The following PRKD1 variants were observed in gnomAD, a reference collection of about 807,000 sequenced individuals.
PRKD1 encodes the protein serine/threonine-protein kinase D1.
In PRKD1, 63 loss-of-function variants were observed where a neutral mutation model predicts 95.9. The ratio of observed to expected loss-of-function variants is 0.66; its 90% CI spans 0.54 to 0.81. The LOEUF is 0.81. Ranked by LOEUF, PRKD1 falls within the 30% of genes least tolerant of loss-of-function variation. The pLI is 0.00. For synonymous variants in PRKD1, 425 were observed against 423.1 expected (o/e 1.00, Z -0.05); for missense variants, 1,048 against 1,165.3 (o/e 0.90, Z 1.47).
chr14:29,682,165 A>C (rs1373824793), intron 2 of PRKD1, among the ~76,000 whole-genome samples: 2 of 152,186 alleles, frequency 1.3e-5, no homozygotes, highest in Non-Finnish European at 2.9e-5. Flanking sequence ...TTAGGTATGC[A>C]GTTTGTTTCC....
intron 1 of PRKD1, among the ~76,000 whole-genome samples, chr14:29,807,851 A>G (rs1183222410): frequency 6.6e-6 from 1 of 151,492 alleles, no homozygotes; most frequent in Non-Finnish European, 1.5e-5. Context: ...CCTCCCGAGT[A>G]GCTGGGATTA....
chr14:29,862,142 T>C (rs185678867), intron 1 of PRKD1, among the ~76,000 whole-genome samples: 3 of 152,348 alleles, frequency 2.0e-5, no homozygotes, highest in Non-Finnish European at 4.4e-5. Flanking sequence ...TTTATCTTTC[T>C]GTGCCTGTTT....
chr14:29,915,893 A>T (rs1894872475), intron 1 of PRKD1, among the ~76,000 whole-genome samples: 1 of 152,200 alleles, frequency 6.6e-6, no homozygotes, highest in African/African-American at 2.4e-5. Flanking sequence ...GTGTGTCTTG[A>T]GGTAAATAAT....
At chr14:29,760,898 G>A (rs1392106024) in intron 1 of PRKD1, among the ~76,000 whole-genome samples, 1 of 151,956 alleles carries the variant, frequency 6.6e-6, no homozygotes, top group Non-Finnish European at 1.5e-5. Context: ...ATCATCTTAG[G>A]CATATCTTTG....
intron 15 of PRKD1, among the ~76,000 whole-genome samples, chr14:29,598,824 C>T (rs1314116557): frequency 6.6e-6 from 1 of 152,194 alleles, no homozygotes; most frequent in Non-Finnish European, 1.5e-5. Context: ...TGAGAAGGCA[C>T]TTTTGTGTAT....
chr14:29,630,209 G>C (rs1375345432), intron 10 of PRKD1, among the ~76,000 whole-genome samples: 26 of 151,890 alleles, frequency 1.7e-4, no homozygotes, highest in Admixed American at 2.0e-4. Context: ...GCTTGATCTT[G>C]GCTCACTGCA....
intron 1 of PRKD1, among the ~76,000 whole-genome samples, chr14:29,868,944 C>T (rs1311841954): frequency 6.6e-6 from 1 of 152,086 alleles, no homozygotes; most frequent in African/African-American, 2.4e-5. Context: ...GTGCTCATAG[C>T]TATCAGAAAT....
intron 1 of PRKD1, among the ~76,000 whole-genome samples, chr14:29,889,304 C>T (rs542044701): frequency 5.3e-5 from 8 of 152,254 alleles, no homozygotes; most frequent in Admixed American, 3.9e-4. Flanking sequence ...CAGTTCCCAG[C>T]GAGATTGACG....
Position 29,903,330 on chromosome 14 carries a change from C to T in PRKD1, c.264+23919G>A, listed in dbSNP as rs964569499. On this transcript the variant is annotated intron_variant, in intron 1 of 17. Coordinates refer to ENST00000331968, the MANE Select transcript of PRKD1 (RefSeq NM_002742.3). ...TTAATGCAATACCTTTGGCACACGA[C>T]CCTTTAATATAACTTGGTTCAGGAC... Among the ~76,000 whole-genome samples, 11 of 152,266 alleles carry T rather than the reference C, an allele frequency of 7.2e-5. No individual in the cohort carries two copies. In the South Asian group the frequency reaches 2.3e-3, roughly 32 times the overall value.
chr14:29,591,669 T>C (rs574337941), intron 16 of PRKD1, among the ~76,000 whole-genome samples: 2 of 152,322 alleles, frequency 1.3e-5, no homozygotes, highest in East Asian at 3.9e-4. Context: ...AAGAGGCTCT[T>C]TGGCAAAATT....
At chr14:29,879,277 G>T (rs1893414889) in intron 1 of PRKD1, among the ~76,000 whole-genome samples, 1 of 152,204 alleles carries the variant, frequency 6.6e-6, no homozygotes, top group Non-Finnish European at 1.5e-5. Context: ...CCCACATGTG[G>T]GAGGGACCGC....
chr14:29,600,811 G>A (rs575305147), intron 13 of PRKD1, among the ~76,000 whole-genome samples: 5 of 152,130 alleles, frequency 3.3e-5, no homozygotes, highest in East Asian at 1.9e-4. Context: ...AGCATTAGAC[G>A]ATCTCTTGTA....
chr14:29,616,469 G>T lies in PRKD1; in HGVS notation c.1905+7683C>A, dbSNP rs75016913. ...TGGTTTTTTTTTTTCCAAGAGACAG[G>T]GTCTCACTCTGTTGCACAGGCTGGA... On this transcript the variant is annotated intron_variant, in intron 13 of 17. Transcript: ENST00000331968. Among the ~76,000 whole-genome samples, 797 of 151,438 alleles carry T rather than the reference G, an allele frequency of 5.3e-3. 2 individuals are homozygous for T. The highest frequency in any genetic ancestry group is 0.01 in the African/African-American group (420 of 41,290).
At chr14:29,829,765 A>G (rs917168203) in intron 1 of PRKD1, among the ~76,000 whole-genome samples, 4 of 152,214 alleles carry the variant, frequency 2.6e-5, no homozygotes, top group Non-Finnish European at 4.4e-5. Flanking sequence ...TGTTGTCCCT[A>G]GTCACAATGT....
intron 2 of PRKD1, among the ~76,000 whole-genome samples, chr14:29,710,924 A>G (rs1021860770): frequency 1.3e-5 from 2 of 152,156 alleles, no homozygotes; most frequent in Admixed American, 6.6e-5. Context: ...AGAAAGATGC[A>G]TTTGTGCTTG....
chr14:29,831,538 G>A (rs185652885), intron 1 of PRKD1, among the ~76,000 whole-genome samples: 12 of 150,208 alleles, frequency 8.0e-5, no homozygotes, highest in African/African-American at 2.7e-4. Flanking sequence ...GCCCAATCTC[G>A]GTTCACCGCA....
chr14:29,731,120 T>C (rs1275867568), intron 1 of PRKD1, among the ~76,000 whole-genome samples: 24 of 152,140 alleles, frequency 1.6e-4, no homozygotes, highest in Admixed American at 1.6e-3. Context: ...ATGGTAAATA[T>C]ACATAAGTTT....
intron 1 of PRKD1, among the ~76,000 whole-genome samples, chr14:29,789,254 G>A (rs1889422266): frequency 6.6e-6 from 1 of 151,936 alleles, no homozygotes; most frequent in Non-Finnish European, 1.5e-5. Context: ...CCTTTTTTGG[G>A]GTATCTGTTA....
intron 1 of PRKD1, among the ~76,000 whole-genome samples, chr14:29,871,197 A>C (rs925421514): frequency 1.3e-5 from 2 of 152,226 alleles, no homozygotes; most frequent in Admixed American, 6.5e-5. Flanking sequence ...GTGAGCAACA[A>C]TTGGAAATGA....
Sources: gnomAD v4.1 joint callset for allele counts (sites outside exome capture counted in the v4.1 genomes callset) on GRCh38, gnomAD v4.1.1 for gene constraint, MANE v1.5 for transcripts, NCBI Gene and HGNC (gene_info 2026-07-23, HGNC 2026-07-21) for gene names.